The following GART variants were observed in gnomAD, a reference collection of about 807,000 sequenced individuals.
GART encodes the protein trifunctional purine biosynthetic protein adenosine-3.
GART carries 43 observed loss-of-function variants against 107.2 expected under a neutral mutation model. The observed-to-expected ratio is 0.40, with a 90% CI of 0.31 to 0.52. The LOEUF is 0.52. GART is among the 20% of genes least tolerant of loss of function. The probability of loss-of-function intolerance (pLI) is 0.52; values close to 1 mark genes in which losing one functional copy is unlikely to be tolerated. For missense variants in GART, 1,107 were observed against 1,206.5 expected (o/e 0.92, Z 1.22); for synonymous variants, 434 against 427.0 (o/e 1.02, Z -0.20).
intron 1 of GART, 75 bp downstream of exon 1, chr21:33,541,990 A>G (rs568123626): frequency 3.3e-4 from 51 of 152,330 alleles, no homozygotes; most frequent in African/African-American, 1.2e-3. Flanking sequence ...CTATGGTTTC[A>G]CTCAGTTCGC....
At chr21:33,513,691 A>G (rs1157654354) in intron 16 of GART, among the ~76,000 whole-genome samples, 2 of 152,232 alleles carry the variant, frequency 1.3e-5, no homozygotes, top group African/African-American at 4.8e-5. Context: ...TAGTAACTAC[A>G]TTGTTCACTA....
At chr21:33,533,301 T>C (rs2085231662) in intron 4 of GART, among the ~76,000 whole-genome samples, 1 of 149,288 alleles carries the variant, frequency 6.7e-6, no homozygotes, top group Admixed American at 6.7e-5. Context: ...TAGCCTGGAG[T>C]GGTGGTGGGC....
chr21:33,531,264 T>C (rs544953844), intron 6 of GART: 2 of 505,860 alleles, frequency 4.0e-6, no homozygotes, highest in Admixed American at 3.6e-5. Context: ...ACCTCAATAG[T>C]GTGTAAGTCC....
At position 33,524,185 on chromosome 21, in the gene GART, C is replaced by G. The variant is rs1036809940; in HGVS notation, c.1298+584G>C. The G allele has an allele frequency of 1.0e-5, 10 of 985,178 alleles. No homozygotes were observed. In the African/African-American group the frequency reaches 1.4e-4, roughly 14 times the overall value. The allele number at this position is 985,178 out of a possible 1,614,324, so 61.0% of individuals were successfully genotyped here. A position where few individuals can be genotyped will look rare whatever the true frequency, so the allele number is the denominator to read the frequency against. On this transcript the variant is annotated intron_variant, in intron 11 of 21. Transcript: ENST00000381815. ...TACAAAGTTAGATGACCAGTATTCTCATCTTCAGTTCTTTGATAAAACCAT... is the reference window on the plus strand; with the variant it reads ...TACAAAGTTAGATGACCAGTATTCTGATCTTCAGTTCTTTGATAAAACCAT...
At chr21:33,535,833 G>C (rs541949344) in intron 2 of GART, among the ~76,000 whole-genome samples, 1 of 152,096 alleles carries the variant, frequency 6.6e-6, no homozygotes, top group African/African-American at 2.4e-5. Flanking sequence ...TTCGAGACCA[G>C]CCTGAACAAT....
chr21:33,532,439 A>G lies in GART; in HGVS notation c.434T>C (p.Leu145Ser), dbSNP rs2085210591. The G allele has an allele frequency of 6.2e-7, 1 of 1,613,698 alleles. No individual in the cohort carries two copies. The highest frequency in any genetic ancestry group is 8.5e-7 in the Non-Finnish European group (1 of 1,179,916). The change falls in exon 5 of 22, where the codon TTG (leucine) becomes TCG (serine). Residue 145 changes from leucine to serine, a missense_variant. Transcript: ENST00000381815. Reference protein sequence around the residue: ...SFILSADFPALVVKASGLAAG... With the variant: ...SFILSADFPASVVKASGLAAG... ...TGCAAGACCACTGGCCTTCACAACCAAAGCAGGGAAGTCTGCACTGTAAAG... is the reference window on the plus strand; with the variant it reads ...TGCAAGACCACTGGCCTTCACAACCGAAGCAGGGAAGTCTGCACTGTAAAG...
At chr21:33,535,460 A>G in intron 2 of GART, 140 bp from the exon 3 acceptor site, 1 of 520,266 alleles carries the variant, frequency 1.9e-6, no homozygotes, top group Non-Finnish European at 3.3e-6. Flanking sequence ...ATTGGCAGAG[A>G]TGACAGTTTC....
At chr21:33,513,187 ACTC>A (rs2084819751) in intron 16 of GART, among the ~76,000 whole-genome samples, 1 of 145,260 alleles carries the variant, frequency 6.9e-6, no homozygotes, top group African/African-American at 2.6e-5. Flanking sequence ...CTGGTCTTGA[ACTC>A]CTGACCTCAG....
chr21:33,540,150 T>A (rs982420964), intron 1 of GART, among the ~76,000 whole-genome samples: 11 of 152,310 alleles, frequency 7.2e-5, no homozygotes, highest in African/African-American at 2.4e-4. Flanking sequence ...TCGGCCACCT[T>A]AGCAGGAAAG....
At chr21:33,521,274 C>T (rs1341978947) in intron 12 of GART, among the ~76,000 whole-genome samples, 1 of 152,070 alleles carries the variant, frequency 6.6e-6, no homozygotes, top group East Asian at 1.9e-4. Context: ...ATAAGAATGG[C>T]TGAAACAAGA....
chr21:33,515,684 A>T (rs1339564729), intron 16 of GART, among the ~76,000 whole-genome samples: 1 of 151,304 alleles, frequency 6.6e-6, no homozygotes, highest in Non-Finnish European at 1.5e-5. Flanking sequence ...AACGAAAAAC[A>T]AAAAACAAAA....
At chr21:33,522,137 T>C (rs775765026) in intron 12 of GART, 51 bp downstream of exon 12, 2 of 1,346,894 alleles carry the variant, frequency 1.5e-6, no homozygotes, top group Admixed American at 1.7e-5. Flanking sequence ...CCCAAATCCA[T>C]TCACAATGTA....
chr21:33,531,686 C>A, intron 5 of GART, 129 bp from the exon 6 acceptor site: 3 of 799,848 alleles, frequency 3.8e-6, no homozygotes, highest in South Asian at 1.9e-5. Flanking sequence ...TTTTTCTTTC[C>A]CTTTCAGAAA....
chr21:33,534,899 A>G, intron 3 of GART, 146 bp from the exon 4 acceptor site: 1 of 640,514 alleles, frequency 1.6e-6, no homozygotes, highest in Admixed American at 3.6e-5. Flanking sequence ...CATGTTGTCT[A>G]CTGGATAGAG....
In GART at chr21:33,542,071, C is replaced by G. The variant is rs2085446085; in HGVS notation, c.-48G>C. The G allele has an allele frequency of 6.6e-6, 1 of 152,244 alleles. No individual in the cohort carries two copies. The highest frequency in any genetic ancestry group is 1.5e-5 in the Non-Finnish European group (1 of 68,048). The allele number at this position is 152,244 out of a possible 1,614,324, so 9.4% of individuals were successfully genotyped here. A position where few individuals can be genotyped will look rare whatever the true frequency, so the allele number is the denominator to read the frequency against. On this transcript the variant is annotated 5_prime_UTR_variant, in exon 1 of 22. Coordinates refer to ENST00000381815, the MANE Select transcript of GART (RefSeq NM_000819.5). ...GCGGAGGGGGTTTACGCACCGACAC[C>G]GGGTGGCCACCTGGTTCCCGCTTGC...
chr21:33,534,177 C>CATT (rs2085256203), intron 4 of GART, among the ~76,000 whole-genome samples: 1 of 152,048 alleles, frequency 6.6e-6, no homozygotes, highest in Non-Finnish European at 1.5e-5. Flanking sequence ...AGCCTAAAGA[C>CATT]CTAGCATTAC....
rs923381679 is a variant in GART, at chr21:33,516,654, C to T, written c.2107+335G>A. 5.3e-5 allele frequency among the ~76,000 whole-genome samples: 8 copies of T among 152,282 alleles called. No individual in the cohort carries two copies. In the South Asian group the frequency reaches 1.5e-3, roughly 28 times the overall value. The stretch of plus-strand genomic sequence containing the variant: ...TGCCTTGGTTTAGGTCCTTTTATCT[C>T]GAATATGGATTACTTAATAGCTAAC... On this transcript the variant is annotated intron_variant, in intron 16 of 21. Transcript: ENST00000381815.
intron 20 of GART, among the ~76,000 whole-genome samples, 153 bp downstream of exon 20, chr21:33,505,407 TG>T: frequency 6.6e-6 from 1 of 152,336 alleles, no homozygotes; most frequent in Non-Finnish European, 1.5e-5. Context: ...AATTAAACTG[TG>T]ACCTGTGTTA....
Position 33,517,344 on chromosome 21 carries a change from T to C in GART, c.1954+13A>G, listed in dbSNP as rs758130829. ...ATTTCCAAGCAGGACAGTTTAAACA[T>C]GAGGGAGTTTACCTAAAGTCTGGTC... On this transcript the variant is annotated intron_variant, in intron 15 of 21. Coordinates refer to ENST00000381815, the MANE Select transcript of GART (RefSeq NM_000819.5). 4 of 1,613,894 alleles carry C rather than the reference T, an allele frequency of 2.5e-6. No individual in the cohort carries two copies. The highest frequency in any genetic ancestry group is 3.4e-6 in the Non-Finnish European group (4 of 1,179,992).
Sources: allele counts gnomAD v4.1 joint callset (sites outside exome capture counted in the v4.1 genomes callset), GRCh38; gene constraint gnomAD v4.1.1; transcripts MANE v1.5; gene names NCBI Gene and HGNC (gene_info 2026-07-23, HGNC 2026-07-21).